The following TNR variants were observed in gnomAD, a reference collection of about 807,000 sequenced individuals.
TNR encodes the protein tenascin-R.
TNR carries 45 observed loss-of-function variants against 150.4 expected under a neutral mutation model. The observed-to-expected ratio is 0.30, with a 90% CI of 0.24 to 0.38. The LOEUF is 0.38. Ranked by LOEUF, TNR falls within the 10% of genes least tolerant of loss-of-function variation. The probability of loss-of-function intolerance (pLI) is 1.00; values close to 1 mark genes in which losing one functional copy is unlikely to be tolerated. For synonymous variants in TNR, 687 were observed against 678.4 expected (o/e 1.01, Z -0.20); for missense variants, 1,544 against 1,759.1 (o/e 0.88, Z 2.19).
chr1:175,524,017 C>A (rs978773441), intron 2 of TNR, among the ~76,000 whole-genome samples: 5 of 152,144 alleles, frequency 3.3e-5, no homozygotes, highest in Non-Finnish European at 5.9e-5. Context: ...TTTCTCGTTT[C>A]TCTTCTTGGG....
chr1:175,436,377 T>C (rs1655508863), intron 2 of TNR, among the ~76,000 whole-genome samples: 1 of 152,242 alleles, frequency 6.6e-6, no homozygotes, highest in Non-Finnish European at 1.5e-5. Context: ...TCTTGCTTCA[T>C]TTCATTCATT....
intron 2 of TNR, among the ~76,000 whole-genome samples, chr1:175,463,304 C>G (rs1238435660): frequency 6.6e-6 from 1 of 152,168 alleles, no homozygotes; most frequent in Non-Finnish European, 1.5e-5. Flanking sequence ...ACTGCATACA[C>G]TTGTTGAGTG....
rs201349161 is a variant in TNR, at chr1:175,557,959, C to T, written c.-164-29590G>A. Among the ~76,000 whole-genome samples the T allele has an allele frequency of 4.8e-5, 5 of 103,160 alleles. No individual in the cohort carries two copies. In the South Asian group the frequency reaches 1.1e-3, roughly 23 times the overall value. 67.7% of individuals were successfully genotyped at this position (103,160 alleles called of 152,430 possible). ...ATGCAGCCATAAAAAATGATGAGTT[C>T]GTGTCCTTTGTAGGGACATGGATGA... On this transcript the variant is annotated intron_variant, in intron 1 of 22. Coordinates refer to ENST00000367674, the MANE Select transcript of TNR (RefSeq NM_003285.3).
intron 17 of TNR, among the ~76,000 whole-genome samples, 173 bp downstream of exon 17, chr1:175,355,330 T>G (rs1356141701): frequency 1.3e-5 from 2 of 152,162 alleles, no homozygotes; most frequent in African/African-American, 4.8e-5. Flanking sequence ...GCTTGCAGAC[T>G]AGGGCTCTCT....
At chr1:175,511,197 T>C (rs1317113147) in intron 2 of TNR, among the ~76,000 whole-genome samples, 1 of 152,126 alleles carries the variant, frequency 6.6e-6, no homozygotes, top group Non-Finnish European at 1.5e-5. Flanking sequence ...AAACATATAA[T>C]AAAACAAAGC....
intron 2 of TNR, among the ~76,000 whole-genome samples, chr1:175,410,787 G>C (rs1338069712): frequency 1.3e-5 from 2 of 152,198 alleles, no homozygotes; most frequent in African/African-American, 2.4e-5. Flanking sequence ...GCCAGCCTGG[G>C]CCTCTGAGTG....
intron 2 of TNR, among the ~76,000 whole-genome samples, chr1:175,453,449 G>A (rs1180831049): frequency 6.6e-6 from 1 of 152,108 alleles, no homozygotes; most frequent in African/African-American, 2.4e-5. Flanking sequence ...CCCGGAGAGG[G>A]GAGGGGACCT....
chr1:175,691,218 C>T (rs867293954), intron 1 of TNR, among the ~76,000 whole-genome samples: 3 of 65,950 alleles, frequency 4.5e-5, no homozygotes, highest in South Asian at 6.0e-4. Context: ...GGATGGGAAA[C>T]GCAGGCCACA....
intron 1 of TNR, among the ~76,000 whole-genome samples, chr1:175,546,546 A>T (rs1660695030): frequency 6.6e-6 from 1 of 152,216 alleles, no homozygotes; most frequent in African/African-American, 2.4e-5. Context: ...ACGAGGGCAG[A>T]GTTGCTTTTC....
chr1:175,598,668 C>T (rs1422333621), intron 1 of TNR, among the ~76,000 whole-genome samples: 3 of 152,124 alleles, frequency 2.0e-5, no homozygotes, highest in African/African-American at 7.2e-5. Context: ...AATAGAGGTA[C>T]ATTTAGGAGA....
Position 175,446,089 on chromosome 1 carries a change from C to T in TNR, c.-63-39312G>A, listed in dbSNP as rs1656034863. Among the ~76,000 whole-genome samples the T allele has an allele frequency of 2.6e-5, 4 of 152,128 alleles. No individual in the cohort carries two copies. The South Asian group carries it at 8.3e-4, about 32-fold the overall frequency. Reference sequence around the variant, plus strand: ...TCTTTTTTTCTTATGGATGGATTTGCCCCTCCTGCTCCTCAGTGCAGGATT... The same window carrying T: ...TCTTTTTTTCTTATGGATGGATTTGTCCCTCCTGCTCCTCAGTGCAGGATT... On this transcript the variant is annotated intron_variant, in intron 2 of 22. Transcript: ENST00000367674.
chr1:175,672,062 T>A (rs1362851953), intron 1 of TNR, among the ~76,000 whole-genome samples: 1 of 152,198 alleles, frequency 6.6e-6, no homozygotes, highest in Non-Finnish European at 1.5e-5. Context: ...AAGAGATGGA[T>A]GGATAGATTC....
intron 2 of TNR, among the ~76,000 whole-genome samples, chr1:175,470,072 G>T (rs1176648475): frequency 6.6e-6 from 1 of 152,154 alleles, no homozygotes; most frequent in Non-Finnish European, 1.5e-5. Context: ...AAAAGAAACT[G>T]TGAGGAGTAA....
chr1:175,447,301 G>T (rs775118533), intron 2 of TNR, among the ~76,000 whole-genome samples: 1 of 152,060 alleles, frequency 6.6e-6, no homozygotes, highest in Non-Finnish European at 1.5e-5. Context: ...CTTCTTTCTC[G>T]GCCTTCCTCC....
rs112273557 is a variant in TNR, at chr1:175,472,036, G to A, written c.-64+56233C>T. Among the ~76,000 whole-genome samples the A allele has an allele frequency of 3.9e-4, 59 of 152,230 alleles. 1 individual carries two copies. The highest frequency in any genetic ancestry group is 6.5e-4 in the Admixed American group (10 of 15,284). ...GCCTGCAGTACTAGCTACTCAGGAG[G>A]CTGAGGCAGGAGGATCACTTGAGCA... On this transcript the variant is annotated intron_variant, in intron 2 of 22. Coordinates refer to ENST00000367674, the MANE Select transcript of TNR (RefSeq NM_003285.3).
At chr1:175,635,249 T>A (rs1014483203) in intron 1 of TNR, among the ~76,000 whole-genome samples, 1 of 152,226 alleles carries the variant, frequency 6.6e-6, no homozygotes, top group Non-Finnish European at 1.5e-5. Flanking sequence ...GGTTTTCGAC[T>A]TTGAGCAGCT....
At chr1:175,404,698 C>T (rs1653869416) in intron 3 of TNR, among the ~76,000 whole-genome samples, 1 of 152,116 alleles carries the variant, frequency 6.6e-6, no homozygotes, top group East Asian at 1.9e-4. Flanking sequence ...TGCCAGGGAT[C>T]CTGGTGGAAG....
chr1:175,678,391 T>A (rs549267617), intron 1 of TNR, among the ~76,000 whole-genome samples: 10 of 152,304 alleles, frequency 6.6e-5, no homozygotes, highest in East Asian at 5.8e-4. Flanking sequence ...TGTATTTTTT[T>A]AAAATACACA....
chr1:175,607,995 C>A (rs1398018022), intron 1 of TNR, among the ~76,000 whole-genome samples: 1 of 152,244 alleles, frequency 6.6e-6, no homozygotes. Flanking sequence ...ACAGCAGAGG[C>A]TTTCTGACCT....
Sources: allele counts gnomAD v4.1 joint callset (sites outside exome capture counted in the v4.1 genomes callset), GRCh38; gene constraint gnomAD v4.1.1; transcripts MANE v1.5; gene names NCBI Gene and HGNC (gene_info 2026-07-23, HGNC 2026-07-21).